Variants in FBXO32 observed in about 807,000 individuals in gnomAD.
FBXO32 encodes the protein F-box only protein 32.
Under a neutral mutation model 48.3 loss-of-function variants are expected in FBXO32, and 15 were observed. That is an observed-to-expected ratio of 0.31 (90% CI 0.21 to 0.48). The LOEUF (loss-of-function observed/expected upper bound fraction) is 0.48, where lower values mean the gene tolerates loss of function less well. Among genes scored for constraint, FBXO32 ranks in the 20% least tolerant of loss-of-function variants. FBXO32 has a pLI of 0.99. For synonymous variants in FBXO32, 154 were observed against 165.9 expected (o/e 0.93, Z 0.55); for missense variants, 309 against 432.7 (o/e 0.71, Z 2.54).
intron 4 of FBXO32, among the ~76,000 whole-genome samples, chr8:123,515,259 G>C (rs149185091): frequency 2.0e-5 from 3 of 152,034 alleles, no homozygotes; most frequent in Admixed American, 6.5e-5. Context: ...TTTTTGAGAC[G>C]GCATCTTGCT....
chr8:123,516,939 C>A (rs1816851755), intron 4 of FBXO32, among the ~76,000 whole-genome samples: 1 of 152,070 alleles, frequency 6.6e-6, no homozygotes, highest in Admixed American at 6.5e-5. Context: ...TTAGCTTTGC[C>A]ACCAACCAGC....
intron 6 of FBXO32, among the ~76,000 whole-genome samples, chr8:123,507,830 GCT>G (rs2130506016): frequency 6.6e-6 from 1 of 152,224 alleles, no homozygotes. Flanking sequence ...GCTGCACTGA[GCT>G]CTTCAGGCTG....
intron 4 of FBXO32, among the ~76,000 whole-genome samples, chr8:123,515,182 C>T (rs1157769740): frequency 6.6e-6 from 1 of 152,158 alleles, no homozygotes; most frequent in Admixed American, 6.5e-5. Context: ...TAGGAGAATG[C>T]ACATAAAGCC....
Position 123,541,063 on chromosome 8 carries a change from G to T in FBXO32, c.-49C>A. 1 of 1,331,670 alleles carries T rather than the reference G, an allele frequency of 7.5e-7. No homozygotes were observed. The highest frequency in any genetic ancestry group is 2.8e-5 in the East Asian group (1 of 36,006). The allele number at this position is 1,331,670 out of a possible 1,614,324, so 82.5% of individuals were successfully genotyped here. A position where few individuals can be genotyped will look rare whatever the true frequency, so the allele number is the denominator to read the frequency against. On this transcript the variant is annotated 5_prime_UTR_variant, in exon 1 of 9. Coordinates refer to ENST00000517956, the MANE Select transcript of FBXO32 (RefSeq NM_058229.4). ...ATGGGGAGACGGGGCCGGCCTGGTG[G>T]GCTCGGGGACGTGCCACCCGGGGCG...
chr8:123,533,602 G>T (rs149168774), intron 2 of FBXO32, among the ~76,000 whole-genome samples: 10,094 of 152,270 alleles, frequency 0.066, 354 homozygotes, highest in African/African-American at 0.08. Flanking sequence ...GAGGTCAGGA[G>T]TTCGAGACCA....
chr8:123,516,227 T>C (rs550364553), intron 4 of FBXO32, among the ~76,000 whole-genome samples: 65 of 152,224 alleles, frequency 4.3e-4, no homozygotes, highest in African/African-American at 1.5e-3. Context: ...GAGGTTGATA[T>C]AAAGTGAAAG....
At chr8:123,519,355 C>G (rs1398794958) in intron 4 of FBXO32, among the ~76,000 whole-genome samples, 1 of 151,880 alleles carries the variant, frequency 6.6e-6, no homozygotes, top group Non-Finnish European at 1.5e-5. Flanking sequence ...AGATCGAGAC[C>G]ATCCTGGCTA....
In FBXO32 at chr8:123,505,471, C is replaced by T. The variant is rs184779650; in HGVS notation, c.835-724G>A. On this transcript the variant is annotated intron_variant, in intron 7 of 8. Coordinates refer to ENST00000517956, the MANE Select transcript of FBXO32 (RefSeq NM_058229.4). ...CTCTACCACACAGGGTGCGGTGGCT[C>T]ACGCCTGTAATCCCAGAACTTTGGG... 6.9e-3 allele frequency among the ~76,000 whole-genome samples: 1,055 copies of T among 152,358 alleles called. 11 individuals carry two copies. Among genetic ancestry groups the T allele is most frequent in the Non-Finnish European group, 0.012 (794 of 68,034 alleles).
intron 6 of FBXO32, among the ~76,000 whole-genome samples, chr8:123,512,398 A>T (rs1816753290): frequency 6.6e-6 from 1 of 152,052 alleles, no homozygotes; most frequent in Admixed American, 6.5e-5. Flanking sequence ...AAACTTTATC[A>T]GTGTGGGTCC....
In FBXO32 at chr8:123,498,746, A is replaced by G. The variant is rs1429916196; in HGVS notation, c.*4627T>C. The G allele has an allele frequency of 1.3e-5, 2 of 152,114 alleles. No individual in the cohort carries two copies. The highest frequency in any genetic ancestry group is 2.9e-5 in the Non-Finnish European group (2 of 68,032). The allele number at this position is 152,114 out of a possible 1,614,324, so 9.4% of individuals were successfully genotyped here. A position where few individuals can be genotyped will look rare whatever the true frequency, so the allele number is the denominator to read the frequency against. The stretch of plus-strand genomic sequence containing the variant: ...CCCAGCCCTTCTGTCTTTTTTTATA[A>G]CGGCCATTTTTGTAATAAAAATGTA... On this transcript the variant is annotated 3_prime_UTR_variant, in exon 9 of 9. Transcript: ENST00000517956.
intron 4 of FBXO32, among the ~76,000 whole-genome samples, chr8:123,530,420 G>A (rs1320864364): frequency 2.6e-5 from 4 of 151,794 alleles, no homozygotes; most frequent in African/African-American, 9.7e-5. Flanking sequence ...ACACCCACAG[G>A]GGGAAAATTC....
Position 123,540,754 on chromosome 8 carries a change from G to A in FBXO32, c.116+145C>T. Reference sequence around the variant, plus strand: ...GGTCCGAAGACCTCTGCAGAAATCGGGCCCCGTAGTCCCACCCTCCGGGTC... The same window carrying A: ...GGTCCGAAGACCTCTGCAGAAATCGAGCCCCGTAGTCCCACCCTCCGGGTC... On this transcript the variant is annotated intron_variant, in intron 1 of 8. Transcript: ENST00000517956. This position sits in a 1 kb window ranked among gnomAD's most constrained non-coding sequence, Gnocchi z 6.4. 1.6e-6 allele frequency: 1 copy of A among 634,874 alleles called. No homozygotes were observed. The highest frequency in any genetic ancestry group is 2.7e-5 in the Admixed American group (1 of 37,348). The allele number at this position is 634,874 out of a possible 1,614,324, so 39.3% of individuals were successfully genotyped here.
At position 123,501,175 on chromosome 8, in the gene FBXO32, C is replaced by A. The variant is rs924490591; in HGVS notation, c.*2198G>T. 6.6e-6 allele frequency: 1 copy of A among 152,148 alleles called. No homozygotes were observed. Among genetic ancestry groups the A allele is most frequent in the African/African-American group, 2.4e-5 (1 of 41,446 alleles). 9.4% of individuals were successfully genotyped at this position (152,148 alleles called of 1,614,324 possible). On this transcript the variant is annotated 3_prime_UTR_variant, in exon 9 of 9. Coordinates refer to ENST00000517956, the MANE Select transcript of FBXO32 (RefSeq NM_058229.4). ...TGTGGAAGGCCATGAACCCCTAAAT[C>A]TAAAAATGTCACTAAGAGTCAAAAG... is the stretch of plus-strand genomic sequence containing the variant.
intron 4 of FBXO32, among the ~76,000 whole-genome samples, chr8:123,519,069 C>A (rs536116991): frequency 6.6e-6 from 1 of 152,124 alleles, no homozygotes; most frequent in Non-Finnish European, 1.5e-5. Context: ...AAGCGATCCT[C>A]GTGTTTCAGC....
intron 4 of FBXO32, among the ~76,000 whole-genome samples, chr8:123,530,972 ATTT>A (rs35151201): frequency 0.062 from 4,247 of 68,924 alleles, 103 homozygotes; most frequent in Non-Finnish European, 0.067. Flanking sequence ...ATCCAGTCAG[ATTT>A]TTTTTTTTTT....
chr8:123,539,293 TA>T (rs1319578974), intron 1 of FBXO32, among the ~76,000 whole-genome samples: 1 of 152,208 alleles, frequency 6.6e-6, no homozygotes, highest in Non-Finnish European at 1.5e-5. Context: ...TGAACTTGTA[TA>T]CAGAAATAAA....
At chr8:123,504,083 C>CAA (rs34656669) in intron 8 of FBXO32, among the ~76,000 whole-genome samples, 8 of 88,294 alleles carry the variant, frequency 9.1e-5, no homozygotes, top group East Asian at 3.6e-4. Context: ...GACTCCGTCT[C>CAA]AAAAAAAAAA....
chr8:123,499,181 C>T lies in FBXO32; in HGVS notation c.*4192G>A, dbSNP rs1222198039. The T allele has an allele frequency of 5.3e-5, 8 of 152,198 alleles. No homozygotes were observed. The highest frequency in any genetic ancestry group is 2.1e-4 in the South Asian group (1 of 4,822). The allele number at this position is 152,198 out of a possible 1,614,324, so 9.4% of individuals were successfully genotyped here. A position where few individuals can be genotyped will look rare whatever the true frequency, so the allele number is the denominator to read the frequency against. Reference sequence around the variant, plus strand: ...TCTCTTACTCATCGTGAAAGGCAGACGCTCTAAGTCTAAAGTCTAGGGTAG... The same window carrying T: ...TCTCTTACTCATCGTGAAAGGCAGATGCTCTAAGTCTAAAGTCTAGGGTAG... On this transcript the variant is annotated 3_prime_UTR_variant, in exon 9 of 9. Coordinates refer to ENST00000517956, the MANE Select transcript of FBXO32 (RefSeq NM_058229.4).
chr8:123,540,775 G>A lies in FBXO32; in HGVS notation c.116+124C>T, dbSNP rs894760901. The stretch of plus-strand genomic sequence containing the variant: ...ATCGGGCCCCGTAGTCCCACCCTCC[G>A]GGTCAGGGTCTCCCTCCTCAGCCCG... On this transcript the variant is annotated intron_variant, in intron 1 of 8. Transcript: ENST00000517956. The surrounding 1 kb of genome is among the most constrained non-coding windows in gnomAD (Gnocchi z 6.4). 7 of 749,854 alleles carry A rather than the reference G, an allele frequency of 9.3e-6. No homozygotes were observed. Among genetic ancestry groups the A allele is most frequent in the African/African-American group, 8.9e-5 (5 of 56,354 alleles). 46.5% of individuals were successfully genotyped at this position (749,854 alleles called of 1,614,324 possible).
Sources: allele counts gnomAD v4.1 joint callset (sites outside exome capture counted in the v4.1 genomes callset), GRCh38; gene constraint gnomAD v4.1.1; non-coding constraint Gnocchi (gnomAD v3.1); transcripts MANE v1.5; gene names NCBI Gene and HGNC (gene_info 2026-07-23, HGNC 2026-07-21).